Variants in KANK1 observed in about 807,000 individuals in gnomAD.
The protein encoded by KANK1 is KN motif and ankyrin repeat domain-containing protein 1.
A neutral mutation model predicts 106.2 loss-of-function variants in KANK1; 109 were observed. The observed-to-expected ratio is 1.03, with a 90% CI of 0.88 to 1.20. KANK1 has a LOEUF of 1.20. Among genes scored for constraint, KANK1 ranks in the 50% most tolerant of loss-of-function variants. KANK1 has a pLI of 0.00. For synonymous variants in KANK1, 873 were observed against 652.2 expected (o/e 1.34, Z -5.16); for missense variants, 2,399 against 1,710.7 (o/e 1.40, Z -7.10).
At chr9:553,719 C>G (rs16919517) in intron 1 of KANK1, among the ~76,000 whole-genome samples, 6,873 of 152,212 alleles carry the variant, frequency 0.045, 163 homozygotes, top group Non-Finnish European at 0.054. Flanking sequence ...ATTAGTCACC[C>G]TCTTCTACTG....
chr9:495,121 A>G (rs1040324510), intron 3 of KANK1: 1 of 152,214 alleles, frequency 6.6e-6, no homozygotes, highest in East Asian at 1.9e-4. Flanking sequence ...AAAGCTTTGG[A>G]AAAATCCTGT....
At chr9:740,613 A>G (rs12340336) in intron 8 of KANK1, among the ~76,000 whole-genome samples, 179 bp from the exon 9 acceptor site, 6 of 152,076 alleles carry the variant, frequency 3.9e-5, no homozygotes, top group Non-Finnish European at 7.3e-5. Context: ...GGGGGAAAAA[A>G]AGTTTTTGGT....
At chr9:678,133 C>CA (rs1485139698) in intron 2 of KANK1, among the ~76,000 whole-genome samples, 2 of 152,154 alleles carry the variant, frequency 1.3e-5, no homozygotes, top group Admixed American at 1.3e-4. Flanking sequence ...CAGATAAACT[C>CA]AGTTATTTGT....
At chr9:739,472 T>G (rs776013175) in intron 8 of KANK1, among the ~76,000 whole-genome samples, 1 of 152,176 alleles carries the variant, frequency 6.6e-6, no homozygotes, top group Non-Finnish European at 1.5e-5. Context: ...CTCTTATAAG[T>G]GTGTTTGTTC....
At chr9:653,448 T>C (rs988062017) in intron 1 of KANK1, among the ~76,000 whole-genome samples, 2 of 152,078 alleles carry the variant, frequency 1.3e-5, no homozygotes, top group African/African-American at 4.8e-5. Context: ...GAAGATTAAA[T>C]TAATAGGACT....
At chr9:558,095 G>A (rs373623662) in intron 1 of KANK1, among the ~76,000 whole-genome samples, 1 of 152,194 alleles carries the variant, frequency 6.6e-6, no homozygotes, top group Non-Finnish European at 1.5e-5. Flanking sequence ...GTGAGAGGAG[G>A]TGGAAAAAAC....
chr9:613,050 G>C (rs545584250), intron 1 of KANK1, among the ~76,000 whole-genome samples: 3 of 152,150 alleles, frequency 2.0e-5, no homozygotes, highest in African/African-American at 7.2e-5. Context: ...TGAAGATATT[G>C]GGACAGAAGG....
intron 1 of KANK1, among the ~76,000 whole-genome samples, chr9:657,375 T>G (rs1842374651): frequency 6.7e-6 from 1 of 149,930 alleles, no homozygotes; most frequent in South Asian, 2.1e-4. Flanking sequence ...TTTAGTTCTT[T>G]TGGGCATATA....
chr9:597,186 A>G (rs1449673254), intron 1 of KANK1, among the ~76,000 whole-genome samples: 1 of 151,778 alleles, frequency 6.6e-6, no homozygotes, highest in Non-Finnish European at 1.5e-5. Flanking sequence ...TGCTATGAAC[A>G]TGGGTGTGTA....
intron 1 of KANK1, among the ~76,000 whole-genome samples, chr9:523,265 A>G (rs2059631248): frequency 6.6e-6 from 1 of 151,662 alleles, no homozygotes; most frequent in South Asian, 2.1e-4. Flanking sequence ...TTCTAGTGGT[A>G]AAACCCCTAA....
chr9:566,123 T>A (rs762647251), intron 1 of KANK1, among the ~76,000 whole-genome samples: 3 of 152,236 alleles, frequency 2.0e-5, no homozygotes, highest in Non-Finnish European at 2.9e-5. Flanking sequence ...AGTATTTGGT[T>A]TTCTGTTCCT....
intron 1 of KANK1, among the ~76,000 whole-genome samples, chr9:599,222 T>C (rs1827112124): frequency 6.6e-6 from 1 of 151,306 alleles, no homozygotes; most frequent in African/African-American, 2.5e-5. Flanking sequence ...TTTTCCATGT[T>C]GGTCAGGCTG....
intron 2 of KANK1, among the ~76,000 whole-genome samples, chr9:698,047 G>A (rs1589002040): frequency 6.6e-6 from 1 of 152,116 alleles, no homozygotes; most frequent in Non-Finnish European, 1.5e-5. Context: ...GAAGTTTTGC[G>A]TTTTCAGAGT....
chr9:704,992 CAAAAAAAAAAAA>C (rs71314728), intron 2 of KANK1, among the ~76,000 whole-genome samples: 1 of 53,094 alleles, frequency 1.9e-5, no homozygotes, highest in Middle Eastern at 0.013. Flanking sequence ...GACCCTGTCT[CAAAAAAAAAAAA>C]AAAAAAAAAA....
At chr9:702,733 A>G (rs1265469363) in intron 2 of KANK1, among the ~76,000 whole-genome samples, 1 of 152,038 alleles carries the variant, frequency 6.6e-6, no homozygotes, top group Non-Finnish European at 1.5e-5. Flanking sequence ...TTTAGCCCCT[A>G]GTTTCAGTGG....
At chr9:567,354 A>G (rs1399101338) in intron 1 of KANK1, among the ~76,000 whole-genome samples, 1 of 152,194 alleles carries the variant, frequency 6.6e-6, no homozygotes, top group African/African-American at 2.4e-5. Context: ...CCCTTCTCAT[A>G]ACCCTAACCT....
At chr9:657,460 G>C (rs1434569364) in intron 1 of KANK1, among the ~76,000 whole-genome samples, 3 of 152,106 alleles carry the variant, frequency 2.0e-5, no homozygotes, top group African/African-American at 4.8e-5. Context: ...ACTGTTTTCT[G>C]TAGCAGCTGC....
intron 1 of KANK1, among the ~76,000 whole-genome samples, chr9:612,140 A>G (rs1034476289): frequency 1.3e-5 from 2 of 152,204 alleles, no homozygotes; most frequent in Admixed American, 6.5e-5. Context: ...AAAGCCACCT[A>G]TGCCTCTTAA....
Position 720,852 on chromosome 9 carries a change from A to G in KANK1, c.2698+7388A>G, listed in dbSNP as rs116046428. The stretch of plus-strand genomic sequence containing the variant: ...AGGGAGCATTTACTTTCTGTTTAGT[A>G]TGAACATCTACCATTAGTGGCCCAG... On this transcript the variant is annotated intron_variant, in intron 3 of 11. Coordinates refer to ENST00000382297, the MANE Select transcript of KANK1 (RefSeq NM_015158.5). 3.2e-3 allele frequency among the ~76,000 whole-genome samples: 484 copies of G among 152,324 alleles called. 1 individual carries two copies. Among genetic ancestry groups the G allele is most frequent in the African/African-American group, 0.011 (471 of 41,570 alleles).
Sources: allele counts gnomAD v4.1 joint callset (sites outside exome capture counted in the v4.1 genomes callset), GRCh38; gene constraint gnomAD v4.1.1; transcripts MANE v1.5; gene names NCBI Gene and HGNC (gene_info 2026-07-23, HGNC 2026-07-21).